Variants in PRKN observed in about 807,000 individuals in gnomAD.
PRKN encodes the protein parkin RBR E3 ubiquitin protein ligase.
A neutral mutation model predicts 59.5 loss-of-function variants in PRKN; 56 were observed. That is an observed-to-expected ratio of 0.94 (90% CI 0.76 to 1.18). The LOEUF is 1.18. Among genes scored for constraint, PRKN ranks in the 50% most tolerant of loss-of-function variants. PRKN has a pLI of 0.00. For synonymous variants in PRKN, 250 were observed against 222.1 expected (o/e 1.13, Z -1.12); for missense variants, 657 against 596.4 (o/e 1.10, Z -1.06).
In PRKN at chr6:161,529,130, T is replaced by A. The variant is rs562772503; in HGVS notation, c.1083+19724A>T. Reference sequence around the variant, plus strand: ...CACAACCACAGACTCTACGCTGCGTTCCTCTCCCTAGTCACCGCATGCCTT... The same window carrying A: ...CACAACCACAGACTCTACGCTGCGTACCTCTCCCTAGTCACCGCATGCCTT... On this transcript the variant is annotated intron_variant, in intron 9 of 11. Transcript: ENST00000366898. This position sits in a 1 kb window ranked among gnomAD's most constrained non-coding sequence, Gnocchi z 4.4. 2.0e-5 allele frequency among the ~76,000 whole-genome samples: 3 copies of A among 152,306 alleles called. No individual in the cohort carries two copies. The South Asian group carries it at 6.2e-4, about 32-fold the overall frequency.
chr6:162,407,124 T>A (rs369351486), intron 2 of PRKN, among the ~76,000 whole-genome samples: 10 of 152,276 alleles, frequency 6.6e-5, no homozygotes, highest in African/African-American at 2.4e-4. Context: ...ACCTAGACTT[T>A]GGGACTACTC....
intron 9 of PRKN, among the ~76,000 whole-genome samples, chr6:161,520,151 G>A (rs1778764896): frequency 6.6e-6 from 1 of 151,616 alleles, no homozygotes; most frequent in Admixed American, 6.6e-5. Context: ...CAAATGATGG[G>A]TACATGATGG....
chr6:162,699,568 C>G (rs899485559), intron 1 of PRKN, among the ~76,000 whole-genome samples: 1 of 152,136 alleles, frequency 6.6e-6, no homozygotes, highest in Non-Finnish European at 1.5e-5. Context: ...TTGCCAGGTT[C>G]TTTTTAAATT....
intron 6 of PRKN, among the ~76,000 whole-genome samples, chr6:161,965,661 G>C (rs1258069287): frequency 1.3e-5 from 2 of 152,026 alleles, no homozygotes; most frequent in African/African-American, 2.4e-5. Flanking sequence ...ATGTTAAGGA[G>C]GCATGAGACA....
chr6:161,733,103 G>T (rs948422731), intron 7 of PRKN, among the ~76,000 whole-genome samples: 7 of 152,242 alleles, frequency 4.6e-5, no homozygotes, highest in Non-Finnish European at 1.0e-4. Flanking sequence ...ATGCTACTGG[G>T]TATATGAGGT....
At chr6:162,014,116 T>A (rs757215563) in intron 5 of PRKN, among the ~76,000 whole-genome samples, 4 of 152,250 alleles carry the variant, frequency 2.6e-5, no homozygotes, top group Admixed American at 6.5e-5. Context: ...TCACCCCCCA[T>A]CGGGAAATTT....
At chr6:161,420,994 A>C (rs547703226) in intron 9 of PRKN, among the ~76,000 whole-genome samples, 2 of 152,204 alleles carry the variant, frequency 1.3e-5, no homozygotes, top group African/African-American at 4.8e-5. Flanking sequence ...GCTAACCCCT[A>C]ATTTTGTATG....
intron 1 of PRKN, among the ~76,000 whole-genome samples, chr6:162,664,363 T>A (rs1779015861): frequency 6.6e-6 from 1 of 152,208 alleles, no homozygotes; most frequent in South Asian, 2.1e-4. Context: ...TACGTGTACA[T>A]ATGTCTTTAT....
intron 4 of PRKN, among the ~76,000 whole-genome samples, chr6:162,076,233 T>C (rs1047180255): frequency 1.3e-5 from 2 of 152,148 alleles, no homozygotes; most frequent in African/African-American, 4.8e-5. Context: ...CCTCCCAAAG[T>C]GCTGGGATTA....
chr6:162,031,940 T>C (rs1783659233), intron 5 of PRKN, among the ~76,000 whole-genome samples: 1 of 152,200 alleles, frequency 6.6e-6, no homozygotes, highest in African/African-American at 2.4e-5. Flanking sequence ...GAAAGCTTGT[T>C]CTACTAACTA....
At chr6:162,385,100 A>C (rs1327289689) in intron 2 of PRKN, among the ~76,000 whole-genome samples, 1 of 152,116 alleles carries the variant, frequency 6.6e-6, no homozygotes. Flanking sequence ...GAATCATATT[A>C]ATTATCTTTT....
intron 5 of PRKN, among the ~76,000 whole-genome samples, chr6:162,038,187 A>T (rs1229407136): frequency 6.6e-6 from 1 of 152,098 alleles, no homozygotes; most frequent in Non-Finnish European, 1.5e-5. Context: ...TTTTTATTTA[A>T]GAAAATTACA....
intron 7 of PRKN, among the ~76,000 whole-genome samples, chr6:161,707,062 A>G (rs10484812): frequency 0.45 from 68,974 of 151,698 alleles, 16,053 homozygotes; most frequent in Admixed American, 0.61. Flanking sequence ...TTCCTGTCTC[A>G]TTGTCGGTTT....
At chr6:162,640,580 C>G (rs1777920770) in intron 1 of PRKN, among the ~76,000 whole-genome samples, 1 of 152,168 alleles carries the variant, frequency 6.6e-6, no homozygotes, top group Admixed American at 6.5e-5. Flanking sequence ...CATATCTAAA[C>G]AAATAACCAC....
chr6:161,759,191 A>G (rs182296433), intron 7 of PRKN, among the ~76,000 whole-genome samples: 1 of 151,524 alleles, frequency 6.6e-6, no homozygotes, highest in African/African-American at 2.4e-5. Context: ...AAAAAACAAA[A>G]TTAAAACAAG....
chr6:162,452,460 T>C (rs1037737698), intron 1 of PRKN, among the ~76,000 whole-genome samples: 6 of 151,746 alleles, frequency 4.0e-5, no homozygotes, highest in African/African-American at 1.5e-4. Flanking sequence ...ATGCCAAGTA[T>C]GGCATAATAG....
At chr6:161,672,821 C>CT (rs1387434644) in intron 7 of PRKN, among the ~76,000 whole-genome samples, 3 of 152,134 alleles carry the variant, frequency 2.0e-5, no homozygotes, top group African/African-American at 7.2e-5. Flanking sequence ...GAAATAAGGC[C>CT]TTTCCTGTAC....
chr6:161,483,179 A>C lies in PRKN; in HGVS notation c.1083+65675T>G. On this transcript the variant is annotated intron_variant, in intron 9 of 11. Transcript: ENST00000366898. This position sits in a 1 kb window ranked among gnomAD's most constrained non-coding sequence, Gnocchi z 5.0. The stretch of plus-strand genomic sequence containing the variant: ...GACAACTAACAATTGTGTTTCAAAA[A>C]AAAAAAAAAAAACATGCATTGTTAA... Among the ~76,000 whole-genome samples the C allele has an allele frequency of 6.6e-6, 1 of 151,992 alleles. No individual in the cohort carries two copies. Among genetic ancestry groups the C allele is most frequent in the East Asian group, 1.9e-4 (1 of 5,192 alleles).
At chr6:162,449,860 T>A (rs1333354897) in intron 1 of PRKN, among the ~76,000 whole-genome samples, 1 of 152,080 alleles carries the variant, frequency 6.6e-6, no homozygotes, top group Non-Finnish European at 1.5e-5. Flanking sequence ...TGAAAAGCCA[T>A]AGAAGAGTGA....
Sources: gnomAD v4.1 joint callset for allele counts (sites outside exome capture counted in the v4.1 genomes callset) on GRCh38, gnomAD v4.1.1 for gene constraint, Gnocchi (gnomAD v3.1) non-coding constraint, MANE v1.5 for transcripts, NCBI Gene and HGNC (gene_info 2026-07-23, HGNC 2026-07-21) for gene names.